The following PWP1 variants were observed in gnomAD, a reference collection of about 807,000 sequenced individuals.
PWP1 encodes periodic tryptophan protein 1 homolog.
PWP1 carries 47 observed loss-of-function variants against 69.9 expected under a neutral mutation model. The observed-to-expected ratio is 0.67, with a 90% CI of 0.53 to 0.86. PWP1 has a LOEUF of 0.86. PWP1 is among the 40% of genes least tolerant of loss of function. The pLI, the probability that PWP1 is intolerant of heterozygous loss-of-function variation, is 0.00. For missense variants in PWP1, 551 were observed against 608.8 expected (o/e 0.91, Z 1.00); for synonymous variants, 222 against 208.2 (o/e 1.07, Z -0.57).
intron 8 of PWP1, among the ~76,000 whole-genome samples, chr12:107,700,529 A>G (rs1016087552): frequency 6.6e-6 from 1 of 152,200 alleles, no homozygotes; most frequent in African/African-American, 2.4e-5. Context: ...TTAAGGCTAA[A>G]TAATATTCCA....
chr12:107,706,043 CAT>C (rs1052131452), intron 11 of PWP1, among the ~76,000 whole-genome samples: 8 of 152,212 alleles, frequency 5.3e-5, no homozygotes, highest in Non-Finnish European at 1.2e-4. Context: ...TATTTCTCCA[CAT>C]CTCTCCAGCA....
intron 14 of PWP1, among the ~76,000 whole-genome samples, chr12:107,711,620 T>G (rs1453258473): frequency 1.3e-5 from 2 of 152,200 alleles, no homozygotes; most frequent in Non-Finnish European, 2.9e-5. Context: ...TTTATTACTT[T>G]GAGGTAGTCT....
At chr12:107,704,502 CTTTA>C (rs1167936869) in intron 10 of PWP1, 130 bp from the exon 11 acceptor site, 1 of 612,526 alleles carries the variant, frequency 1.6e-6, no homozygotes, top group Non-Finnish European at 2.8e-6. Context: ...TTTTTTTCTA[CTTTA>C]TTTAGAACCT....
chr12:107,687,669 G>C (rs1473539695), intron 1 of PWP1, among the ~76,000 whole-genome samples: 3 of 152,178 alleles, frequency 2.0e-5, no homozygotes, highest in Non-Finnish European at 4.4e-5. Flanking sequence ...AGGAAGCTGA[G>C]GTGGGAGGAT....
At chr12:107,693,588 G>A (rs1045261507) in intron 5 of PWP1, among the ~76,000 whole-genome samples, 7 of 152,126 alleles carry the variant, frequency 4.6e-5, no homozygotes, top group African/African-American at 1.7e-4. Context: ...ATACAAGGCT[G>A]GGTGCGGTGT....
chr12:107,702,917 G>T lies in PWP1; in HGVS notation c.807-18G>T. ...TGACTTTTAAAAGATTACCTGATTG[G>T]ATTCTTCCCTTTCTCAGAAATGTTT... On this transcript the variant is annotated intron_variant, in intron 8 of 14. Coordinates refer to ENST00000412830, the MANE Select transcript of PWP1 (RefSeq NM_007062.3). 2.0e-6 allele frequency: 3 copies of T among 1,499,504 alleles called. No homozygotes were observed. The highest frequency in any genetic ancestry group is 1.1e-5 in the South Asian group (1 of 88,650). 92.9% of individuals were successfully genotyped at this position (1,499,504 alleles called of 1,614,324 possible).
At position 107,697,500 on chromosome 12, in the gene PWP1, T is replaced by C. The variant is rs760275468; in HGVS notation, c.647T>C (p.Val216Ala). The C allele has an allele frequency of 6.2e-7, 1 of 1,603,600 alleles. No individual in the cohort carries two copies. Residue 216 changes from valine (V) to alanine (A), a missense_variant, in exon 7 of 15, where the codon GTT becomes GCT. Coordinates refer to ENST00000412830, the MANE Select transcript of PWP1 (RefSeq NM_007062.3). Reference protein sequence around the residue: ...NYIAVGNMTPVIEVWDLDIVD... With the variant: ...NYIAVGNMTPAIEVWDLDIVD... ...ATTGCTGTAGGAAACATGACCCCTG[T>C]TATTGAAGTGTGGGACCTTGATATA...
intron 10 of PWP1, 128 bp from the exon 11 acceptor site, chr12:107,704,506 ATT>A: frequency 1.6e-6 from 1 of 641,476 alleles, no homozygotes. Context: ...TTTCTACTTT[ATT>A]TAGAACCTTA....
In PWP1 at chr12:107,697,474, C is replaced by T; in HGVS notation, c.621C>T (p.Tyr207=). The T allele has an allele frequency of 6.3e-7, 1 of 1,580,478 alleles. No individual in the cohort carries two copies. The highest frequency in any genetic ancestry group is 8.6e-7 in the Non-Finnish European group (1 of 1,168,328). The change falls in exon 7 of 15, where the codon TAC becomes TAT. Residue 207 remains tyrosine (Y), a synonymous_variant. Coordinates refer to ENST00000412830, the MANE Select transcript of PWP1 (RefSeq NM_007062.3). ...DPSPDDSTGN[Y]IAVGNMTPVI... ...CATTGTTTCCTCCCATAGGAAATTA[C>T]ATTGCTGTAGGAAACATGACCCCTG...
intron 11 of PWP1, among the ~76,000 whole-genome samples, 165 bp downstream of exon 11, chr12:107,704,912 TCTTA>T (rs1889786787): frequency 1.3e-5 from 2 of 152,162 alleles, no homozygotes; most frequent in African/African-American, 2.4e-5. Context: ...AGAGAACGGC[TCTTA>T]CTTAAAAAGC....
At chr12:107,694,207 G>A (rs889934085) in intron 5 of PWP1, among the ~76,000 whole-genome samples, 4 of 152,064 alleles carry the variant, frequency 2.6e-5, no homozygotes, top group African/African-American at 4.8e-5. Context: ...CAGATTCTCC[G>A]TTTTGTTTTT....
Position 107,697,877 on chromosome 12 carries a change from G to A in PWP1, c.744+280G>A, listed in dbSNP as rs112076594. 2.9e-3 allele frequency: 1,394 copies of A among 473,206 alleles called. 11 individuals are homozygous for A. Among genetic ancestry groups the A allele is most frequent in the African/African-American group, 0.015 (775 of 50,450 alleles). The allele number at this position is 473,206 out of a possible 1,614,324, so 29.3% of individuals were successfully genotyped here. On this transcript the variant is annotated intron_variant, in intron 7 of 14. Coordinates refer to ENST00000412830, the MANE Select transcript of PWP1 (RefSeq NM_007062.3). ...TAGCTACTATAGATGAAGGACTTTC[G>A]GATTATGAGCCTCCTCCAAATACAG... is the stretch of plus-strand genomic sequence containing the variant.
chr12:107,702,856 T>C, intron 8 of PWP1, 79 bp from the exon 9 acceptor site: 1 of 861,254 alleles, frequency 1.2e-6, no homozygotes, highest in African/African-American at 1.7e-5. Flanking sequence ...TCTGATGCTA[T>C]TGTAAATGCA....
chr12:107,688,700 A>G lies in PWP1; in HGVS notation c.217A>G (p.Arg73Gly), dbSNP rs1448215719. The G allele has an allele frequency of 1.9e-6, 3 of 1,614,234 alleles. No individual in the cohort carries two copies. Among genetic ancestry groups the G allele is most frequent in the South Asian group, 2.2e-5 (2 of 91,084 alleles). The change falls in exon 3 of 15, where the codon AGA (arginine) becomes GGA (glycine). Residue 73 changes from arginine to glycine, a missense_variant. Arg to Gly is a moderately radical substitution (Grantham distance 125). Transcript: ENST00000412830. ...GAGTGCACGCACCCAGGCACGCCCA[A>G]GAGAGCCCCTGGAGGATGGTGACCC... is the stretch of plus-strand genomic sequence containing the variant. ...MQSARTQARP[R>G]EPLEDGDPED...
At chr12:107,689,164 C>A (rs12424295) in intron 3 of PWP1, among the ~76,000 whole-genome samples, 1 of 150,570 alleles carries the variant, frequency 6.6e-6, no homozygotes, top group Non-Finnish European at 1.5e-5. Flanking sequence ...ATACAGTAGT[C>A]CCCCCTTATC....
intron 11 of PWP1, among the ~76,000 whole-genome samples, chr12:107,706,264 G>A (rs957010496): frequency 1.2e-4 from 19 of 152,082 alleles, no homozygotes; most frequent in Non-Finnish European, 2.5e-4. Flanking sequence ...TTGTAAATTT[G>A]TTTGAGTTCA....
intron 11 of PWP1, 63 bp downstream of exon 11, chr12:107,704,810 G>A (rs2287217): frequency 0.21 from 274,659 of 1,299,500 alleles, 33,961 homozygotes; most frequent in East Asian, 0.55. Context: ...AAATTCCATA[G>A]TAGAGAGAAT....
At chr12:107,692,645 C>A in intron 3 of PWP1, 169 bp from the exon 4 acceptor site, 1 of 595,366 alleles carries the variant, frequency 1.7e-6, no homozygotes. Context: ...ACAAAAATGG[C>A]TTTTAAATTC....
intron 9 of PWP1, 123 bp from the exon 10 acceptor site, chr12:107,703,562 T>C: frequency 1.2e-6 from 1 of 814,554 alleles, no homozygotes. Context: ...GTTTCTTTTG[T>C]TTACTGTATT....
Sources: allele counts gnomAD v4.1 joint callset (sites outside exome capture counted in the v4.1 genomes callset), GRCh38; gene constraint gnomAD v4.1.1; transcripts MANE v1.5; gene names NCBI Gene and HGNC (gene_info 2026-07-23, HGNC 2026-07-21).